RNF157: variants seen among roughly 807,000 people sequenced by gnomAD.
The protein encoded by RNF157 is E3 ubiquitin ligase RNF157.
Under a neutral mutation model 88.3 loss-of-function variants are expected in RNF157, and 55 were observed. The ratio of observed to expected loss-of-function variants is 0.62; its 90% confidence interval spans 0.50 to 0.78. The LOEUF (loss-of-function observed/expected upper bound fraction) is 0.78, where lower values mean the gene tolerates loss of function less well. Among genes scored for constraint, RNF157 ranks in the 30% least tolerant of loss-of-function variants. The probability of loss-of-function intolerance (pLI) is 0.00; values close to 1 mark genes in which losing one functional copy is unlikely to be tolerated. For synonymous variants in RNF157, 334 were observed against 341.2 expected (o/e 0.98, Z 0.23); for missense variants, 788 against 860.8 (o/e 0.92, Z 1.06).
At chr17:76,175,803 A>G (rs2069093502) in intron 2 of RNF157, 1 of 985,014 alleles carries the variant, frequency 1.0e-6, no homozygotes, top group Non-Finnish European at 1.2e-6. Context: ...TTTCTCCTCC[A>G]TAGCCACTCC....
intron 1 of RNF157, among the ~76,000 whole-genome samples, chr17:76,223,118 C>A (rs1322780254): frequency 6.6e-6 from 1 of 151,672 alleles, no homozygotes; most frequent in Non-Finnish European, 1.5e-5. Flanking sequence ...TTTTGATCTC[C>A]TGACCTCGTG....
At position 76,196,908 on chromosome 17, in the gene RNF157, G is replaced by A. The variant is rs1215906262; in HGVS notation, c.207+15456C>T. Among the ~76,000 whole-genome samples, 9 of 152,286 alleles carry A rather than the reference G, an allele frequency of 5.9e-5. 1 individual carries two copies. In the South Asian group the frequency reaches 1.9e-3, roughly 32 times the overall value. ...CTCCAAAGCTTTCCCGTGGGACCAG[G>A]CCAAAATGGGTCTTGGCCAAGACCG... On this transcript the variant is annotated intron_variant, in intron 2 of 18. Coordinates refer to ENST00000269391, the MANE Select transcript of RNF157 (RefSeq NM_052916.3).
intron 2 of RNF157, among the ~76,000 whole-genome samples, chr17:76,185,006 C>A (rs12938489): frequency 1.8e-4 from 27 of 152,194 alleles, no homozygotes; most frequent in African/African-American, 6.3e-4. Context: ...GATAAGGGTA[C>A]GAAAAACCTA....
intron 1 of RNF157, among the ~76,000 whole-genome samples, chr17:76,236,124 C>T (rs1184495008): frequency 6.6e-6 from 1 of 152,174 alleles, no homozygotes; most frequent in African/African-American, 2.4e-5. Flanking sequence ...AAAGCAAAAA[C>T]CCGGGTTTAA....
At chr17:76,171,157 G>A (rs1413575462) in intron 3 of RNF157, among the ~76,000 whole-genome samples, 1 of 151,530 alleles carries the variant, frequency 6.6e-6, no homozygotes, top group Non-Finnish European at 1.5e-5. Context: ...CTCCCAAAGT[G>A]CTGGGATTAC....
intron 1 of RNF157, among the ~76,000 whole-genome samples, chr17:76,238,484 T>C (rs1430245278): frequency 6.6e-6 from 1 of 152,260 alleles, no homozygotes; most frequent in Non-Finnish European, 1.5e-5. Context: ...TTTGGTCTAT[T>C]GTCTTTTTAT....
intron 3 of RNF157, among the ~76,000 whole-genome samples, chr17:76,173,169 C>A (rs2069046137): frequency 6.6e-6 from 1 of 151,930 alleles, no homozygotes; most frequent in African/African-American, 2.4e-5. Context: ...GCCTGTAGTC[C>A]CAGCTACTCG....
chr17:76,180,095 G>A (rs1389634507), intron 2 of RNF157, among the ~76,000 whole-genome samples: 2 of 152,224 alleles, frequency 1.3e-5, no homozygotes, highest in Admixed American at 1.3e-4. Context: ...TCCACAGACA[G>A]AGGGAGACTG....
intron 3 of RNF157, among the ~76,000 whole-genome samples, chr17:76,170,927 C>G (rs1037958059): frequency 7.2e-5 from 11 of 152,194 alleles, no homozygotes; most frequent in African/African-American, 2.4e-4. Context: ...GAGTCTCACT[C>G]TGTCGCCCAG....
At position 76,143,536 on chromosome 17, in the gene RNF157, G is replaced by C. The variant is rs2068543567; in HGVS notation, c.*1699C>G. 1 of 152,214 alleles carries C rather than the reference G, an allele frequency of 6.6e-6. No homozygotes were observed. The highest frequency in any genetic ancestry group is 2.4e-5 in the African/African-American group (1 of 41,438). 9.4% of individuals were successfully genotyped at this position (152,214 alleles called of 1,614,324 possible). ...ATGAAAGGGGCGGGAAGAATGTAGG[G>C]GGAAGGAAGGAAAGAACATTAGGTG... On this transcript the variant is annotated 3_prime_UTR_variant, in exon 19 of 19. Transcript: ENST00000269391.
rs569685648 is a variant in RNF157, at chr17:76,176,838, G to A, written c.208-3048C>T. The stretch of plus-strand genomic sequence containing the variant: ...GCTGGGGCCATGCTTCAGGGGCCCC[G>A]GGCAGGAAGTGGGAGCAGCTTCCGC... On this transcript the variant is annotated intron_variant, in intron 2 of 18. Coordinates refer to ENST00000269391, the MANE Select transcript of RNF157 (RefSeq NM_052916.3). This position sits in a 1 kb window ranked among gnomAD's most constrained non-coding sequence, Gnocchi z 4.2. 2.0e-4 allele frequency among the ~76,000 whole-genome samples: 31 copies of A among 152,216 alleles called. No homozygotes were observed. Among genetic ancestry groups the A allele is most frequent in the African/African-American group, 6.3e-4 (26 of 41,502 alleles).
intron 2 of RNF157, among the ~76,000 whole-genome samples, chr17:76,186,678 G>A (rs551385239): frequency 7.2e-4 from 109 of 152,128 alleles, no homozygotes; most frequent in African/African-American, 2.2e-3. Context: ...AGTGGCTCAC[G>A]CCTGTAATCC....
rs774795668 is a variant in RNF157, at chr17:76,240,189, G to A, written c.52C>T (p.Pro18Ser). 8.5e-6 allele frequency: 12 copies of A among 1,409,808 alleles called. No homozygotes were observed. The highest frequency in any genetic ancestry group is 1.0e-5 in the Non-Finnish European group (11 of 1,068,532). The allele number at this position is 1,409,808 out of a possible 1,614,324, so 87.3% of individuals were successfully genotyped here. ...GGGTAGCGGTACACGGAATTAGACG[G>A]GATGTCCACCTCCTCCACGCCCGCG... ...QHAGVEEVDI[P>S]SNSVYRYPPK... The change falls in exon 1 of 19, where the codon CCG becomes TCG. Residue 18 changes from proline to serine, a missense_variant. Physicochemically the swap from Pro to Ser is moderately conservative, Grantham distance 74. Coordinates refer to ENST00000269391, the MANE Select transcript of RNF157 (RefSeq NM_052916.3). The surrounding 1 kb of genome is among the most constrained non-coding windows in gnomAD (Gnocchi z 4.4).
chr17:76,227,049 G>A (rs1315046739), intron 1 of RNF157, among the ~76,000 whole-genome samples: 2 of 152,106 alleles, frequency 1.3e-5, no homozygotes, highest in Non-Finnish European at 2.9e-5. Context: ...GCGTGCACGT[G>A]CGGAAAAAAC....
At chr17:76,150,966 C>A (rs2068665787) in intron 18 of RNF157, among the ~76,000 whole-genome samples, 1 of 152,192 alleles carries the variant, frequency 6.6e-6, no homozygotes, top group African/African-American at 2.4e-5. Flanking sequence ...ATAAACAAAC[C>A]AGACAGACAG....
At chr17:76,196,193 A>G (rs1237548007) in intron 2 of RNF157, among the ~76,000 whole-genome samples, 3 of 152,190 alleles carry the variant, frequency 2.0e-5, no homozygotes, top group Non-Finnish European at 4.4e-5. Flanking sequence ...TTCTTTCCTG[A>G]GCAAAGCCAA....
rs73996169 is a variant in RNF157 at position 76,191,993 on chromosome 17, G to A, written c.208-18203C>T. On this transcript the variant is annotated intron_variant, in intron 2 of 18. Transcript: ENST00000269391. ...TATAACAGTTTCAGTAACAGTTAAG[G>A]CCACTATGCATCTCTTTAAATGCTG... Among the ~76,000 whole-genome samples, 1,315 of 152,238 alleles carry A rather than the reference G, an allele frequency of 8.6e-3. 27 individuals are homozygous for A. Among genetic ancestry groups the A allele is most frequent in the African/African-American group, 0.029 (1,211 of 41,528 alleles).
intron 16 of RNF157, 155 bp from the exon 17 acceptor site, chr17:76,154,483 A>C (rs986557604): frequency 6.2e-6 from 4 of 649,000 alleles, no homozygotes; most frequent in Non-Finnish European, 1.1e-5. Context: ...TCAGAGGCTG[A>C]GTAGAGGCAG....
intron 2 of RNF157, among the ~76,000 whole-genome samples, chr17:76,200,211 C>T (rs1387227217): frequency 6.6e-6 from 1 of 151,254 alleles, no homozygotes; most frequent in Non-Finnish European, 1.5e-5. Flanking sequence ...CACTCCATGC[C>T]AGCCTGGGCG....
Sources: allele counts gnomAD v4.1 joint callset (sites outside exome capture counted in the v4.1 genomes callset), GRCh38; gene constraint gnomAD v4.1.1; non-coding constraint Gnocchi (gnomAD v3.1); transcripts MANE v1.5; gene names NCBI Gene and HGNC (gene_info 2026-07-23, HGNC 2026-07-21).